The following ANKRD6 variants were observed in gnomAD, a reference collection of about 807,000 sequenced individuals.
The protein encoded by ANKRD6 is ankyrin repeat domain 6, also known as ankyrin repeat domain-containing protein 6.
In ANKRD6, 56 loss-of-function variants were observed where a neutral mutation model predicts 82.3. The observed-to-expected ratio is 0.68, with a 90% CI of 0.55 to 0.85. The LOEUF is 0.85. Among genes scored for constraint, ANKRD6 ranks in the 40% least tolerant of loss-of-function variants. The pLI is 0.00. For missense variants in ANKRD6, 852 were observed against 907.6 expected (o/e 0.94, Z 0.79); for synonymous variants, 347 against 352.1 (o/e 0.99, Z 0.16).
At chr6:89,588,994 CAAAAAAAAAA>C (rs34892881) in intron 2 of ANKRD6, among the ~76,000 whole-genome samples, 4 of 48,300 alleles carry the variant, frequency 8.3e-5, no homozygotes, top group South Asian at 1.1e-3. Flanking sequence ...GACTCTGTCT[CAAAAAAAAAA>C]AAAAAAAAAA....
At chr6:89,456,833 G>A (rs1028194387) in intron 1 of ANKRD6, among the ~76,000 whole-genome samples, 1 of 152,214 alleles carries the variant, frequency 6.6e-6, no homozygotes, top group Non-Finnish European at 1.5e-5. Flanking sequence ...TTATGCTCCA[G>A]TTACTAAGGC....
At chr6:89,456,587 C>G (rs375554634) in intron 1 of ANKRD6, among the ~76,000 whole-genome samples, 2 of 152,202 alleles carry the variant, frequency 1.3e-5, no homozygotes, top group East Asian at 3.9e-4. Context: ...TTTCAGGGCT[C>G]TGTCTCCAAA....
At chr6:89,512,920 T>G (rs1780728606) in intron 1 of ANKRD6, among the ~76,000 whole-genome samples, 3 of 152,262 alleles carry the variant, frequency 2.0e-5, no homozygotes, top group Admixed American at 2.0e-4. Context: ...CTTTTTTTCT[T>G]TCTTTTTCTC....
chr6:89,613,823 G>T lies in ANKRD6; in HGVS notation c.548G>T (p.Arg183Leu). ...GACACCTGTTTGCACGTTGCTGCGC[G>T]CTATAATCACTTGTCCATCATTAGG... ...AGDTCLHVAARYNHLSIIRLL... is the reference protein window; with the variant it reads ...AGDTCLHVAALYNHLSIIRLL... Residue 183 changes from arginine to leucine, a missense_variant, in exon 7 of 16, where the codon CGC (arginine) becomes CTC (leucine). Coordinates refer to ENST00000339746, the MANE Select transcript of ANKRD6 (RefSeq NM_001242809.2). The T allele has an allele frequency of 6.2e-7, 1 of 1,614,016 alleles. No homozygotes were observed. The highest frequency in any genetic ancestry group is 1.1e-5 in the South Asian group (1 of 91,086).
chr6:89,441,404 C>T (rs973739860), intron 1 of ANKRD6, among the ~76,000 whole-genome samples: 12 of 152,062 alleles, frequency 7.9e-5, no homozygotes, highest in African/African-American at 2.7e-4. Context: ...CTGCCTGCCT[C>T]GGCCTCCCAA....
At chr6:89,489,631 T>G (rs527612118) in intron 1 of ANKRD6, among the ~76,000 whole-genome samples, 1 of 152,298 alleles carries the variant, frequency 6.6e-6, no homozygotes, top group East Asian at 1.9e-4. Flanking sequence ...TAGGATTGTA[T>G]CAGGTAATAT....
At chr6:89,548,872 A>G (rs1785447650) in intron 1 of ANKRD6, among the ~76,000 whole-genome samples, 3 of 152,298 alleles carry the variant, frequency 2.0e-5, no homozygotes, top group South Asian at 2.1e-4. Flanking sequence ...TATCTCTGCT[A>G]TGGTTTGAAT....
At chr6:89,481,475 A>G (rs1156974909) in intron 1 of ANKRD6, among the ~76,000 whole-genome samples, 13 of 152,212 alleles carry the variant, frequency 8.5e-5, no homozygotes, top group Admixed American at 8.5e-4. Flanking sequence ...AAAATCGGAA[A>G]CACTTCTGAT....
chr6:89,583,007 G>A (rs1005802285), intron 2 of ANKRD6, among the ~76,000 whole-genome samples: 1 of 152,160 alleles, frequency 6.6e-6, no homozygotes, highest in Non-Finnish European at 1.5e-5. Context: ...TCTCAGTATT[G>A]ACTGCACGTG....
chr6:89,494,172 G>A (rs145458779), intron 1 of ANKRD6, among the ~76,000 whole-genome samples: 92 of 152,200 alleles, frequency 6.0e-4, no homozygotes, highest in Non-Finnish European at 9.9e-4. Context: ...AAAAATGAGC[G>A]GCGTTGGTAG....
At chr6:89,516,934 T>C (rs975003007) in intron 1 of ANKRD6, among the ~76,000 whole-genome samples, 2 of 152,218 alleles carry the variant, frequency 1.3e-5, no homozygotes, top group Non-Finnish European at 2.9e-5. Context: ...AGTGGCACAA[T>C]CATAGCTTAC....
chr6:89,614,313 C>T (rs533667512), intron 7 of ANKRD6, among the ~76,000 whole-genome samples: 1 of 151,950 alleles, frequency 6.6e-6, no homozygotes, highest in Non-Finnish European at 1.5e-5. Context: ...AAGACCAGCC[C>T]GGGCAACATA....
chr6:89,568,223 T>C (rs1393814357), intron 2 of ANKRD6: 2 of 152,222 alleles, frequency 1.3e-5, no homozygotes, highest in African/African-American at 4.8e-5. Flanking sequence ...GTGCAGACTC[T>C]GTAGTTAGGG....
In ANKRD6 at chr6:89,616,576, T is replaced by G. The variant is rs1473107290; in HGVS notation, c.633T>G (p.Leu211=). 9 of 1,614,002 alleles carry G rather than the reference T, an allele frequency of 5.6e-6. No individual in the cohort carries two copies. Among genetic ancestry groups the G allele is most frequent in the Non-Finnish European group, 7.6e-6 (9 of 1,179,884 alleles). The change falls in exon 8 of 16, where the codon CTT becomes CTG. Residue 211 remains leucine (L), a synonymous_variant. Coordinates refer to ENST00000339746, the MANE Select transcript of ANKRD6 (RefSeq NM_001242809.2). ...HEKNQAGDTA[L]HVAAALNHKK... ...AATTCCAGGCTGGAGACACAGCACT[T>G]CACGTTGCTGCTGCCCTAAATCACA...
At chr6:89,611,171 A>T (rs1218214280) in intron 5 of ANKRD6, among the ~76,000 whole-genome samples, 3 of 147,440 alleles carry the variant, frequency 2.0e-5, no homozygotes, top group Non-Finnish European at 4.5e-5. Flanking sequence ...GTATTCCTCT[A>T]TTTTTTTTTT....
chr6:89,478,687 G>A (rs1157611476), intron 1 of ANKRD6, among the ~76,000 whole-genome samples: 2 of 150,768 alleles, frequency 1.3e-5, no homozygotes, highest in African/African-American at 4.9e-5. Context: ...AACCTGGGAG[G>A]CGGAGATTGG....
At chr6:89,610,300 C>T (rs1799897229) in intron 5 of ANKRD6, among the ~76,000 whole-genome samples, 1 of 152,248 alleles carries the variant, frequency 6.6e-6, no homozygotes, top group South Asian at 2.1e-4. Flanking sequence ...CGGGCAACCA[C>T]GGATCTGTTT....
chr6:89,534,729 G>A (rs1411050729), intron 1 of ANKRD6, among the ~76,000 whole-genome samples: 1 of 152,188 alleles, frequency 6.6e-6, no homozygotes, highest in Non-Finnish European at 1.5e-5. Flanking sequence ...CTCTCATGGG[G>A]ATGAGGGTGA....
In ANKRD6 at chr6:89,543,634, A is replaced by G. The variant is rs368688534; in HGVS notation, c.-143-23200A>G. 5.9e-5 allele frequency among the ~76,000 whole-genome samples: 9 copies of G among 152,218 alleles called. No individual in the cohort carries two copies. In the East Asian group the frequency reaches 1.5e-3, roughly 26 times the overall value. On this transcript the variant is annotated intron_variant, in intron 1 of 15. Transcript: ENST00000339746. The stretch of plus-strand genomic sequence containing the variant: ...TTGTAGAGGGATCAGTGAAATCTTT[A>G]TCATATGAACTGTGCGTGTGGGTAT...
Sources: gnomAD v4.1 joint callset for allele counts (sites outside exome capture counted in the v4.1 genomes callset) on GRCh38, gnomAD v4.1.1 for gene constraint, MANE v1.5 for transcripts, NCBI Gene and HGNC (gene_info 2026-07-23, HGNC 2026-07-21) for gene names.